The following TMPRSS7 variants were observed in gnomAD, a reference collection of about 807,000 sequenced individuals.
The protein encoded by TMPRSS7 is transmembrane protease serine 7.
In TMPRSS7, 81 loss-of-function variants were observed where a neutral mutation model predicts 95.6. The ratio of observed to expected loss-of-function variants is 0.85; its 90% confidence interval spans 0.71 to 1.02. The LOEUF (loss-of-function observed/expected upper bound fraction) is 1.02. Ranked by LOEUF, TMPRSS7 falls within the 50% of genes least tolerant of loss-of-function variation. TMPRSS7 has a pLI of 0.00. For synonymous variants in TMPRSS7, 364 were observed against 337.8 expected (o/e 1.08, Z -0.85); for missense variants, 945 against 955.2 (o/e 0.99, Z 0.14).
chr3:112,038,244 A>G, exon 2 of TMPRSS7: 1 of 702,968 alleles, frequency 1.4e-6, no homozygotes, highest in South Asian at 1.5e-5. Flanking sequence ...TGGAATGTAC[A>G]AAATAAAATC....
intron 12 of TMPRSS7, among the ~76,000 whole-genome samples, chr3:112,065,728 G>A (rs1281175619): frequency 6.6e-6 from 1 of 152,198 alleles, no homozygotes; most frequent in Admixed American, 6.5e-5. Context: ...CACAAAACCA[G>A]AAATGTCTAA....
Position 112,075,495 on chromosome 3 carries a change from A to G in TMPRSS7, c.1955+3A>G, listed in dbSNP as rs1255784673. On this transcript the variant is annotated splice_donor_region_variant and intron_variant, in intron 15 of 17. Transcript: ENST00000452346. ...GCCCACTGTTTTCATGGAAACAGGT[A>G]GGGCCTCACGGTCCTTACTTTCAAG... 2.8e-6 allele frequency: 4 copies of G among 1,454,464 alleles called. No homozygotes were observed. The highest frequency in any genetic ancestry group is 2.9e-5 in the African/African-American group (2 of 68,664). 90.1% of individuals were successfully genotyped at this position (1,454,464 alleles called of 1,614,324 possible). A position where few individuals can be genotyped will look rare whatever the true frequency, so the allele number is the denominator to read the frequency against.
chr3:112,060,598 C>A (rs574754731), intron 10 of TMPRSS7, among the ~76,000 whole-genome samples: 2 of 152,334 alleles, frequency 1.3e-5, no homozygotes, highest in South Asian at 4.1e-4. Context: ...GGCTCACCAG[C>A]GGTCAGAGTT....
At chr3:112,076,972 G>A in exon 16 of TMPRSS7, 2 of 1,614,172 alleles carry the variant, frequency 1.2e-6, no homozygotes, top group Non-Finnish European at 1.7e-6. Flanking sequence ...TGGTCCACGA[G>A]TACTATAACA....
intron 12 of TMPRSS7, among the ~76,000 whole-genome samples, chr3:112,064,356 C>CTTTTTTTTTTT (rs1553764669): frequency 0.018 from 2,729 of 150,218 alleles, 89 homozygotes; most frequent in African/African-American, 0.063. Context: ...GTTTTCTTTT[C>CTTTTTTTTTTT]TTTTTTCTTT....
intron 10 of TMPRSS7, among the ~76,000 whole-genome samples, chr3:112,059,473 C>G (rs897454652): frequency 9.2e-5 from 14 of 152,216 alleles, no homozygotes; most frequent in Non-Finnish European, 2.1e-4. Flanking sequence ...TTCCCCTTAA[C>G]ATGCCTAGCA....
chr3:112,052,927 A>G (rs1576106531), intron 9 of TMPRSS7, among the ~76,000 whole-genome samples: 1 of 89,914 alleles, frequency 1.1e-5, no homozygotes, highest in African/African-American at 3.5e-5. Flanking sequence ...TGCTGAAGAA[A>G]AAAAAAAAAA....
chr3:112,038,224 A>G (rs957598315), exon 2 of TMPRSS7: 4 of 703,000 alleles, frequency 5.7e-6, no homozygotes, highest in South Asian at 1.5e-5. Flanking sequence ...CCAAGAAAAA[A>G]GTTCCCTTTT....
chr3:112,077,603 A>G (rs2073727914), intron 16 of TMPRSS7, among the ~76,000 whole-genome samples: 1 of 152,160 alleles, frequency 6.6e-6, no homozygotes, highest in African/African-American at 2.4e-5. Context: ...AAGGGATGAG[A>G]GTAAGGGCTG....
chr3:112,077,067 G>A (rs1339624201), exon 16 of TMPRSS7: 2 of 1,614,198 alleles, frequency 1.2e-6, no homozygotes, highest in South Asian at 1.1e-5. Flanking sequence ...CAGCCAATAT[G>A]CATTCCTCCC....
At chr3:112,044,075 G>A (rs767632901) in intron 3 of TMPRSS7, among the ~76,000 whole-genome samples, 180 bp from the exon 4 acceptor site, 3 of 152,202 alleles carry the variant, frequency 2.0e-5, no homozygotes, top group Non-Finnish European at 4.4e-5. Flanking sequence ...ACTCAAGATT[G>A]TTGCAGGAAG....
chr3:112,053,425 T>C (rs945253146), intron 9 of TMPRSS7, among the ~76,000 whole-genome samples: 2 of 152,190 alleles, frequency 1.3e-5, no homozygotes, highest in East Asian at 3.9e-4. Context: ...CAAGCTCTCT[T>C]GTCCACTCAA....
At chr3:112,034,795 A>C, upstream of TMPRSS7, 2 of 701,870 alleles carry the variant, frequency 2.8e-6, no homozygotes, top group East Asian at 2.7e-5. Context: ...TATAAGGGGC[A>C]AAAACTGGCT....
exon 14 of TMPRSS7, chr3:112,074,396 T>C (rs760726716): frequency 5.6e-5 from 90 of 1,612,306 alleles, no homozygotes; most frequent in Admixed American, 5.0e-4. Flanking sequence ...CAGATGGAAG[T>C]GATGAAGAAG....
intron 1 of TMPRSS7, among the ~76,000 whole-genome samples, chr3:112,035,626 A>G (rs1447628341): frequency 6.6e-6 from 1 of 152,178 alleles, no homozygotes; most frequent in Admixed American, 6.5e-5. Flanking sequence ...TTGGCATTCC[A>G]TATTGTTGCC....
intron 13 of TMPRSS7, among the ~76,000 whole-genome samples, chr3:112,070,247 C>A (rs943992197): frequency 3.3e-5 from 5 of 152,096 alleles, no homozygotes; most frequent in Admixed American, 6.5e-5. Flanking sequence ...GCTTTACTTC[C>A]AATTATGTGG....
At chr3:112,042,932 A>G in intron 3 of TMPRSS7, 1 of 448,874 alleles carries the variant, frequency 2.2e-6, no homozygotes, top group Non-Finnish European at 4.5e-6. Context: ...GGTACTGGAG[A>G]GGGTTGTCAT....
At chr3:112,045,874 A>C (rs2073272514) in exon 5 of TMPRSS7, 1 of 1,551,788 alleles carries the variant, frequency 6.4e-7, no homozygotes, top group South Asian at 1.2e-5. Context: ...CCAGACAAGC[A>C]TCATAAACCG....
Position 112,057,020 on chromosome 3 carries a change from C to T in TMPRSS7, c.1204-5C>T. On this transcript the variant is annotated splice_polypyrimidine_tract_variant and splice_region_variant and intron_variant, in intron 9 of 17. Coordinates refer to ENST00000452346, the Ensembl canonical transcript of TMPRSS7. ...TTTTTTCTGACTTAATGTTTATTTT[C>T]ACAGACTTCTCTATCAACTCTTGGC... 1 of 1,580,670 alleles carries T rather than the reference C, an allele frequency of 6.3e-7. No individual in the cohort carries two copies. The highest frequency in any genetic ancestry group is 8.6e-7 in the Non-Finnish European group (1 of 1,156,118).
Sources: allele counts gnomAD v4.1 joint callset (sites outside exome capture counted in the v4.1 genomes callset), GRCh38; gene constraint gnomAD v4.1.1; transcripts MANE v1.5; gene names NCBI Gene and HGNC (gene_info 2026-07-23, HGNC 2026-07-21).